Variants in SGCD observed in about 807,000 individuals in gnomAD.
SGCD encodes delta-sarcoglycan.
Under a neutral mutation model 36.6 loss-of-function variants are expected in SGCD, and 18 were observed. The ratio of observed to expected loss-of-function variants is 0.49; its 90% confidence interval spans 0.34 to 0.73. The LOEUF (loss-of-function observed/expected upper bound fraction) is 0.73. SGCD is among the 30% of genes least tolerant of loss of function. SGCD has a pLI of 0.01. For missense variants in SGCD, 387 were observed against 346.7 expected (o/e 1.12, Z -0.92); for synonymous variants, 133 against 130.6 (o/e 1.02, Z -0.12).
intron 3 of SGCD, among the ~76,000 whole-genome samples, chr5:156,291,936 G>C (rs1766767902): frequency 6.6e-6 from 1 of 151,974 alleles, no homozygotes; most frequent in African/African-American, 2.4e-5. Flanking sequence ...TTGTACAATA[G>C]ATCTTTTGAA....
At chr5:156,420,509 G>T (rs1284749807) in intron 3 of SGCD, among the ~76,000 whole-genome samples, 3 of 152,052 alleles carry the variant, frequency 2.0e-5, no homozygotes, top group African/African-American at 7.2e-5. Context: ...GATTTCACAG[G>T]ACTGTTAATT....
chr5:155,990,679 T>A (rs1758413309), intron 1 of SGCD, among the ~76,000 whole-genome samples: 1 of 152,224 alleles, frequency 6.6e-6, no homozygotes, highest in Non-Finnish European at 1.5e-5. Context: ...ATGGGATTGA[T>A]TTATTTAATA....
In SGCD at chr5:156,757,600, T is replaced by C. The variant is rs1177835909; in HGVS notation, c.595T>C (p.Ser199Pro). ...KELRLESPTR[S>P]LVMEAPKGVE... ...TTTCAGGTTGGAGTCCCCAACCCGG[T>C]CTCTAGTGATGGAGGCCCCAAAAGG... The change falls in exon 8 of 9, where the codon TCT (serine) becomes CCT (proline). Residue 199 changes from serine to proline, a missense_variant. By Grantham distance (74) the Ser-to-Pro change is moderately conservative. Transcript: ENST00000337851. 1.2e-6 allele frequency: 2 copies of C among 1,610,312 alleles called. No individual in the cohort carries two copies. Among genetic ancestry groups the C allele is most frequent in the East Asian group, 2.2e-5 (1 of 44,806 alleles).
At chr5:156,486,158 G>A (rs550115029) in intron 3 of SGCD, among the ~76,000 whole-genome samples, 23 of 151,764 alleles carry the variant, frequency 1.5e-4, no homozygotes, top group Non-Finnish European at 3.1e-4. Flanking sequence ...CACATTCCTG[G>A]AGCCCCACTG....
At chr5:156,413,973 A>G (rs1339553310) in intron 3 of SGCD, among the ~76,000 whole-genome samples, 1 of 152,182 alleles carries the variant, frequency 6.6e-6, no homozygotes, top group Non-Finnish European at 1.5e-5. Context: ...GTGGTACAGA[A>G]GAGATAAAAC....
At chr5:156,748,027 T>C (rs369918235) in intron 7 of SGCD, among the ~76,000 whole-genome samples, 6 of 152,228 alleles carry the variant, frequency 3.9e-5, no homozygotes, top group African/African-American at 1.4e-4. Context: ...AATCATGGTC[T>C]ATTCATGCAA....
chr5:155,818,569 G>A, the SGCD span, among the ~76,000 whole-genome samples: 1 of 152,190 alleles, frequency 6.6e-6, no homozygotes, highest in Non-Finnish European at 1.5e-5. Context: ...CATCCAGGCT[G>A]GAGTGCAGTG....
chr5:156,309,895 T>C (rs1466345260), intron 3 of SGCD, among the ~76,000 whole-genome samples: 1 of 152,192 alleles, frequency 6.6e-6, no homozygotes, highest in Admixed American at 6.5e-5. Context: ...TTTTTCTTTC[T>C]TTCAAATGGG....
chr5:156,453,050 T>C (rs185617357), intron 3 of SGCD, among the ~76,000 whole-genome samples: 37 of 152,284 alleles, frequency 2.4e-4, no homozygotes, highest in South Asian at 1.4e-3. Context: ...GATTCAGTTT[T>C]GAATATTGTA....
chr5:155,848,866 A>AT, the SGCD span, among the ~76,000 whole-genome samples: 2 of 152,322 alleles, frequency 1.3e-5, no homozygotes, highest in Admixed American at 1.3e-4. Flanking sequence ...AACTTTACTC[A>AT]TGTAAGAAAC....
chr5:155,748,490 A>G, the SGCD span, among the ~76,000 whole-genome samples: 2 of 152,170 alleles, frequency 1.3e-5, no homozygotes, highest in Admixed American at 6.6e-5. Flanking sequence ...AGAATCACCT[A>G]GAAAGCTTTT....
chr5:156,366,168 T>C (rs557162203), intron 3 of SGCD, among the ~76,000 whole-genome samples: 1 of 152,312 alleles, frequency 6.6e-6, no homozygotes, highest in South Asian at 2.1e-4. Context: ...GGATAAGTTT[T>C]TCCTCTTTGC....
At chr5:155,944,923 A>G (rs559467016) in intron 1 of SGCD, among the ~76,000 whole-genome samples, 282 of 152,240 alleles carry the variant, frequency 1.9e-3, no homozygotes, top group African/African-American at 6.3e-3. Flanking sequence ...AAAAAAAATA[A>G]TAATAATAAG....
intron 3 of SGCD, among the ~76,000 whole-genome samples, chr5:156,456,526 A>G (rs562242514): frequency 4.5e-4 from 68 of 152,308 alleles, no homozygotes; most frequent in Non-Finnish European, 1.2e-4. Context: ...TATGAAGGTG[A>G]AGAGATTTCT....
intron 1 of SGCD, among the ~76,000 whole-genome samples, chr5:156,041,148 CT>C (rs1166996771): frequency 6.6e-6 from 1 of 152,170 alleles, no homozygotes; most frequent in Non-Finnish European, 1.5e-5. Flanking sequence ...ACATCATACC[CT>C]TTTTCCCTCT....
At chr5:155,823,863 T>G in the SGCD span, among the ~76,000 whole-genome samples, 1 of 152,202 alleles carries the variant, frequency 6.6e-6, no homozygotes, top group African/African-American at 2.4e-5. Context: ...ATTTCAGAAC[T>G]GTTCAGCTGC....
chr5:155,868,360 C>CTTTTTTTTT (rs10532701), upstream of SGCD, among the ~76,000 whole-genome samples: 12 of 110,702 alleles, frequency 1.1e-4, no homozygotes, highest in Non-Finnish European at 2.2e-4. Flanking sequence ...CCCTTTTTTT[C>CTTTTTTTTT]TTTTTTTTTT....
chr5:155,939,478 TA>T lies in SGCD; in HGVS notation c.-282+69062del, dbSNP rs201015087. On this transcript the variant is annotated intron_variant, in intron 1 of 9. Transcript: ENST00000517913. ...CGATATGGTGAAACCTCATCTCTAC[TA>T]AAAAAAATACAAAAATTAGCCAGGT... is the stretch of plus-strand genomic sequence containing the variant. 3.7e-3 allele frequency among the ~76,000 whole-genome samples: 561 copies of T among 151,184 alleles called. 3 individuals are homozygous for T. Among genetic ancestry groups the T allele is most frequent in the African/African-American group, 0.013 (543 of 41,238 alleles).
Position 156,005,576 on chromosome 5 carries a change from G to A in SGCD, c.-281-112302G>A, listed in dbSNP as rs371355952. Among the ~76,000 whole-genome samples, 622 of 152,056 alleles carry A rather than the reference G, an allele frequency of 4.1e-3. 10 individuals carry two copies. Among genetic ancestry groups the A allele is most frequent in the African/African-American group, 0.014 (591 of 41,478 alleles). ...CGCCATTCTCCTGCCTCAGCCTCCC[G>A]AGTAGCTGGGACTACAGGCGCCTGC... On this transcript the variant is annotated intron_variant, in intron 1 of 9. Coordinates refer to the SGCD transcript ENST00000517913.
Sources: gnomAD v4.1 joint callset for allele counts (sites outside exome capture counted in the v4.1 genomes callset) on GRCh38, gnomAD v4.1.1 for gene constraint, MANE v1.5 for transcripts, NCBI Gene and HGNC (gene_info 2026-07-23, HGNC 2026-07-21) for gene names.